Variants in MTNAP1 observed in about 807,000 individuals in gnomAD.
The protein encoded by MTNAP1 is mitochondrial nucleoid-associated protein 1.
chr17:73,248,561 G>C, the MTNAP1 span: 6 of 1,551,016 alleles, frequency 3.9e-6, no homozygotes, highest in South Asian at 5.9e-5. Context: ...CAAATGCAGC[G>C]TGAGAATCCA....
chr17:73,237,048 G>A, the MTNAP1 span: 6 of 1,464,458 alleles, frequency 4.1e-6, no homozygotes, highest in Non-Finnish European at 5.4e-6. Context: ...TGCTCTCTCT[G>A]CCTTTTGAAT....
the MTNAP1 span, chr17:73,242,270 C>T: frequency 3.7e-6 from 6 of 1,602,744 alleles, no homozygotes; most frequent in East Asian, 1.3e-4. Context: ...AAGCTCAACT[C>T]ATATAAGGAG....
At chr17:73,236,988 CT>C in the MTNAP1 span, 3 of 1,561,452 alleles carry the variant, frequency 1.9e-6, no homozygotes, top group Non-Finnish European at 2.6e-6. Context: ...GGGAAAGACT[CT>C]CACAAGGTAA....
At chr17:73,236,479 G>A in the MTNAP1 span, 1 of 1,614,172 alleles carries the variant, frequency 6.2e-7, no homozygotes, top group South Asian at 1.1e-5. Context: ...CCATGGCTGT[G>A]AGAACTTCAA....
the MTNAP1 span, chr17:73,236,745 C>A: frequency 6.2e-7 from 1 of 1,614,152 alleles, no homozygotes. Context: ...ATAGTCAGTT[C>A]CAAGCATCAC....
At chr17:73,246,994 A>C in the MTNAP1 span, among the ~76,000 whole-genome samples, 2 of 152,178 alleles carry the variant, frequency 1.3e-5, no homozygotes, top group African/African-American at 2.4e-5. Flanking sequence ...AATGACCTTC[A>C]GTAATACCCT....
the MTNAP1 span, chr17:73,247,200 GC>G: frequency 1.3e-6 from 2 of 1,575,470 alleles, no homozygotes; most frequent in African/African-American, 1.3e-5. Context: ...GAAACCATAT[GC>G]CCTGAAAAGC....
the MTNAP1 span, among the ~76,000 whole-genome samples, chr17:73,240,359 C>T: frequency 1.3e-5 from 2 of 152,286 alleles, no homozygotes; most frequent in African/African-American, 4.8e-5. Flanking sequence ...GAAGTTGGAT[C>T]CAGGATCAGT....
the MTNAP1 span, chr17:73,245,726 G>T: frequency 2.0e-6 from 2 of 985,358 alleles, no homozygotes; most frequent in Non-Finnish European, 2.4e-6. Context: ...TCGAGTTGCA[G>T]GTAAGCCTCC....
At chr17:73,242,446 GA>G in the MTNAP1 span, 9 of 770,172 alleles carry the variant, frequency 1.2e-5, no homozygotes, top group South Asian at 2.1e-5. Flanking sequence ...AAGAGGAGAG[GA>G]AAAAAATGTT....
chr17:73,248,727 C>T, the MTNAP1 span: 2 of 634,276 alleles, frequency 3.2e-6, no homozygotes, highest in Admixed American at 4.9e-5. Flanking sequence ...CTGTAACTCA[C>T]ACGTGGTCTG....
At chr17:73,247,424 A>C in the MTNAP1 span, 1 of 1,377,330 alleles carries the variant, frequency 7.3e-7, no homozygotes, top group African/African-American at 1.4e-5. Flanking sequence ...TTGCCCTGTA[A>C]CACCTAAGTG....
At chr17:73,235,291 G>GAATA in the MTNAP1 span, among the ~76,000 whole-genome samples, 1 of 152,136 alleles carries the variant, frequency 6.6e-6, no homozygotes, top group Non-Finnish European at 1.5e-5. Flanking sequence ...TTCTGTCCTT[G>GAATA]AATAACGTGT....
chr17:73,242,543 GC>G, the MTNAP1 span, among the ~76,000 whole-genome samples: 1 of 152,100 alleles, frequency 6.6e-6, no homozygotes, highest in African/African-American at 2.4e-5. Flanking sequence ...GCTAATAACA[GC>G]TACCATTTAT....
the MTNAP1 span, among the ~76,000 whole-genome samples, chr17:73,234,743 T>G: frequency 1.5e-5 from 2 of 134,762 alleles, no homozygotes; most frequent in Non-Finnish European, 3.3e-5. Flanking sequence ...ATGTATATAT[T>G]TGTGCATTAT....
chr17:73,244,291 G>A, the MTNAP1 span, among the ~76,000 whole-genome samples: 24 of 152,062 alleles, frequency 1.6e-4, no homozygotes, highest in African/African-American at 3.4e-4. Context: ...GGCCGGGCGC[G>A]GTGGCTCACG....
the MTNAP1 span, among the ~76,000 whole-genome samples, chr17:73,234,028 TCA>T: frequency 5.9e-5 from 9 of 152,236 alleles, no homozygotes; most frequent in Non-Finnish European, 1.2e-4. Context: ...GTAAGTGGTT[TCA>T]GTCACCCTTT....
chr17:73,246,292 G>C, the MTNAP1 span, among the ~76,000 whole-genome samples: 1 of 152,058 alleles, frequency 6.6e-6, no homozygotes, highest in African/African-American at 2.4e-5. Context: ...CCAGCACTTT[G>C]GTAGGCCAAG....
At chr17:73,246,840 C>A in the MTNAP1 span, among the ~76,000 whole-genome samples, 1 of 152,156 alleles carries the variant, frequency 6.6e-6, no homozygotes, top group South Asian at 2.1e-4. Flanking sequence ...TTCATTGGAA[C>A]CCAGAACAAT....
Sources: gnomAD v4.1 joint callset for allele counts (sites outside exome capture counted in the v4.1 genomes callset) on GRCh38, gnomAD v4.1.1 for gene constraint, MANE v1.5 for transcripts, NCBI Gene and HGNC (gene_info 2026-07-23, HGNC 2026-07-21) for gene names.